The following RAB27A variants were observed in gnomAD, a reference collection of about 807,000 sequenced individuals.
RAB27A encodes the protein ras-related protein Rab-27A.
RAB27A carries 17 observed loss-of-function variants against 20.8 expected under a neutral mutation model. The ratio of observed to expected loss-of-function variants is 0.82; its 90% CI spans 0.56 to 1.23. The LOEUF is 1.23. RAB27A is among the 50% of genes most tolerant of loss of function. The pLI, the probability that RAB27A is intolerant of heterozygous loss-of-function variation, is 0.00. For missense variants in RAB27A, 277 were observed against 266.7 expected (o/e 1.04, Z -0.27); for synonymous variants, 85 against 92.8 (o/e 0.92, Z 0.48).
chr15:55,211,316 T>A (rs1895015911), intron 6 of RAB27A, among the ~76,000 whole-genome samples: 2 of 152,176 alleles, frequency 1.3e-5, no homozygotes, highest in African/African-American at 4.8e-5. Context: ...TTGATAGGGA[T>A]TGCATTGAGT....
rs560497902 is a variant in RAB27A, at chr15:55,209,845, CAT to C, written c.468-4142_468-4141del. ...GTATATATACATATATGTGTGTACA[CAT>C]ATATGTGTGTATATACATATATACA... is the stretch of plus-strand genomic sequence containing the variant. On this transcript the variant is annotated intron_variant, in intron 6 of 6. Coordinates refer to ENST00000336787, the MANE Select transcript of RAB27A (RefSeq NM_183235.3). Among the ~76,000 whole-genome samples, 86 of 104,750 alleles carry C rather than the reference CAT, an allele frequency of 8.2e-4. 16 individuals carry two copies. The highest frequency in any genetic ancestry group is 1.8e-3 in the African/African-American group (39 of 21,620). The allele number at this position is 104,750 out of a possible 152,430, so 68.7% of individuals were successfully genotyped here.
At chr15:55,224,919 A>T (rs1019952523) in intron 5 of RAB27A, among the ~76,000 whole-genome samples, 4 of 152,216 alleles carry the variant, frequency 2.6e-5, no homozygotes, top group African/African-American at 4.8e-5. Context: ...ATCATGAGAA[A>T]GTCAAGTAGG....
upstream of RAB27A, among the ~76,000 whole-genome samples, chr15:55,292,248 G>A (rs1002682205): frequency 2.6e-5 from 4 of 152,142 alleles, no homozygotes; most frequent in African/African-American, 4.8e-5. Flanking sequence ...CACCTCATAC[G>A]TGTCTTACAA....
intron 2 of RAB27A, among the ~76,000 whole-genome samples, chr15:55,257,623 C>T (rs1156315258): frequency 6.6e-6 from 1 of 152,216 alleles, no homozygotes; most frequent in East Asian, 1.9e-4. Context: ...TAGGAGCCTG[C>T]AATAGGCACC....
At chr15:55,311,811 CAG>C (rs1317363908) in intron 2 of RAB27A, among the ~76,000 whole-genome samples, 1 of 152,270 alleles carries the variant, frequency 6.6e-6, no homozygotes, top group African/African-American at 2.4e-5. Context: ...GAATACATCT[CAG>C]GGGCGTTTCT....
chr15:55,242,575 C>T lies in RAB27A; in HGVS notation c.-22-7619G>A, dbSNP rs182377952. Among the ~76,000 whole-genome samples, 320 of 152,274 alleles carry T rather than the reference C, an allele frequency of 2.1e-3. 1 individual carries two copies. Among genetic ancestry groups the T allele is most frequent in the Middle Eastern group, 6.8e-3 (2 of 294 alleles). ...AATACTATTATTAATAGTTTCACCA[C>T]GTTCTTCATTAGCAAGGCATGTAAT... is the stretch of plus-strand genomic sequence containing the variant. On this transcript the variant is annotated intron_variant, in intron 2 of 6. Transcript: ENST00000336787.
intron 2 of RAB27A, among the ~76,000 whole-genome samples, chr15:55,312,113 T>G (rs1338080826): frequency 6.6e-6 from 1 of 152,208 alleles, no homozygotes; most frequent in Non-Finnish European, 1.5e-5. Flanking sequence ...CTCTTAGCCG[T>G]GCAGGAACAA....
intron 1 of RAB27A, among the ~76,000 whole-genome samples, chr15:55,316,652 T>C (rs1000971643): frequency 2.6e-5 from 4 of 152,100 alleles, no homozygotes; most frequent in African/African-American, 9.7e-5. Context: ...TACCAATTCT[T>C]AGTAACTTCA....
rs1894509562 is a variant in RAB27A, at chr15:55,203,719, G to C, written c.*1788C>G. ...TTACAGGTGTGAGCCACCGCGCCTG[G>C]CCAACCCTGCTCTTGAAATGTCTAA... On this transcript the variant is annotated 3_prime_UTR_variant, in exon 7 of 7. Coordinates refer to ENST00000336787, the MANE Select transcript of RAB27A (RefSeq NM_183235.3). 1 of 151,754 alleles carries C rather than the reference G, an allele frequency of 6.6e-6. No homozygotes were observed. The highest frequency in any genetic ancestry group is 2.1e-4 in the South Asian group (1 of 4,818). The allele number at this position is 151,754 out of a possible 1,614,324, so 9.4% of individuals were successfully genotyped here.
intron 2 of RAB27A, among the ~76,000 whole-genome samples, chr15:55,252,493 T>C (rs1382954894): frequency 6.6e-6 from 1 of 152,050 alleles, no homozygotes; most frequent in Non-Finnish European, 1.5e-5. Flanking sequence ...TCCTAGCTAC[T>C]CTGAAGGCTG....
At chr15:55,229,712 C>T (rs1301705658) in intron 4 of RAB27A, among the ~76,000 whole-genome samples, 1 of 151,628 alleles carries the variant, frequency 6.6e-6, no homozygotes. Context: ...TACATTACCA[C>T]AAGTATTAAA....
At chr15:55,248,290 G>A (rs1347057907) in intron 2 of RAB27A, among the ~76,000 whole-genome samples, 1 of 151,968 alleles carries the variant, frequency 6.6e-6, no homozygotes, top group Admixed American at 6.6e-5. Context: ...CATCATCTGG[G>A]TGCCATAACC....
intron 2 of RAB27A, among the ~76,000 whole-genome samples, chr15:55,303,621 C>A (rs1190728808): frequency 1.9e-5 from 2 of 104,270 alleles, no homozygotes; most frequent in Non-Finnish European, 3.9e-5. Context: ...AGGGGGTCGG[C>A]CCCCCGCCCG....
At chr15:55,291,726 G>C (rs1173200943), upstream of RAB27A, among the ~76,000 whole-genome samples, 1 of 152,008 alleles carries the variant, frequency 6.6e-6, no homozygotes, top group African/African-American at 2.4e-5. Context: ...TACCAGACAG[G>C]AGATCAGAAA....
At chr15:55,284,562 A>T (rs1898099152) in intron 1 of RAB27A, among the ~76,000 whole-genome samples, 2 of 152,238 alleles carry the variant, frequency 1.3e-5, no homozygotes, top group Non-Finnish European at 2.9e-5. Context: ...TGCGGCTCTC[A>T]GAGAAAAGTC....
At chr15:55,314,524 G>C (rs1354767835) in intron 1 of RAB27A, among the ~76,000 whole-genome samples, 1 of 152,154 alleles carries the variant, frequency 6.6e-6, no homozygotes, top group Non-Finnish European at 1.5e-5. Flanking sequence ...AAACCCCACT[G>C]TCTCCACCCA....
At chr15:55,310,330 G>A (rs2055014877) in intron 2 of RAB27A, among the ~76,000 whole-genome samples, 1 of 152,122 alleles carries the variant, frequency 6.6e-6, no homozygotes, top group South Asian at 2.1e-4. Context: ...CAATGGTCAA[G>A]CACACCTGGG....
intron 2 of RAB27A, among the ~76,000 whole-genome samples, chr15:55,243,873 T>A (rs995124905): frequency 2.6e-5 from 4 of 152,124 alleles, no homozygotes; most frequent in Non-Finnish European, 4.4e-5. Flanking sequence ...TGCCTTTGGG[T>A]TTTCAAATAA....
chr15:55,236,712 A>G (rs1837604974), intron 2 of RAB27A, among the ~76,000 whole-genome samples: 1 of 152,162 alleles, frequency 6.6e-6, no homozygotes, highest in South Asian at 2.1e-4. Context: ...TTTTTCATTA[A>G]AATTTTATTG....
Sources: gnomAD v4.1 joint callset for allele counts (sites outside exome capture counted in the v4.1 genomes callset) on GRCh38, gnomAD v4.1.1 for gene constraint, MANE v1.5 for transcripts, NCBI Gene and HGNC (gene_info 2026-07-23, HGNC 2026-07-21) for gene names.